Variants in TLE1 observed in about 807,000 individuals in gnomAD.
TLE1 encodes transducin-like enhancer protein 1.
In TLE1, 21 loss-of-function variants were observed where a neutral mutation model predicts 89.8. That is an observed-to-expected ratio of 0.23 (90% CI 0.17 to 0.34). The LOEUF is 0.34. TLE1 is among the 10% of genes least tolerant of loss of function. The pLI is 1.00. For synonymous variants in TLE1, 447 were observed against 407.6 expected (o/e 1.10, Z -1.16); for missense variants, 795 against 1,031.2 (o/e 0.77, Z 3.14).
intron 4 of TLE1, among the ~76,000 whole-genome samples, chr9:81,658,800 C>G (rs1830436168): frequency 6.6e-6 from 1 of 152,158 alleles, no homozygotes; most frequent in African/African-American, 2.4e-5. Context: ...GGCAATAATT[C>G]TTAGTATTAT....
At chr9:81,620,635 C>T (rs1357248581) in intron 8 of TLE1, 78 bp from the exon 9 acceptor site, 2 of 1,551,346 alleles carry the variant, frequency 1.3e-6, no homozygotes, top group Admixed American at 4.2e-5. Flanking sequence ...GATGTGAGAA[C>T]TATTTTTGAA....
intron 13 of TLE1, among the ~76,000 whole-genome samples, chr9:81,610,794 C>G (rs1486487088): frequency 8.3e-6 from 1 of 120,220 alleles, no homozygotes; most frequent in African/African-American, 3.2e-5. Context: ...CAGATATTAT[C>G]AAATGTCCTC....
At chr9:81,653,858 G>T (rs1418712562) in intron 5 of TLE1, 116 bp downstream of exon 5, 2 of 908,656 alleles carry the variant, frequency 2.2e-6, no homozygotes, top group African/African-American at 1.6e-5. Context: ...CACTTCAGCT[G>T]TAACAGATGT....
At chr9:81,682,843 G>GA (rs1324966128) in intron 4 of TLE1, among the ~76,000 whole-genome samples, 1 of 151,954 alleles carries the variant, frequency 6.6e-6, no homozygotes, top group African/African-American at 2.4e-5. Context: ...AGGGCTCCAA[G>GA]AAAAAAATAT....
At chr9:81,640,042 G>A (rs538517787) in intron 6 of TLE1, among the ~76,000 whole-genome samples, 24 of 152,090 alleles carry the variant, frequency 1.6e-4, no homozygotes, top group Admixed American at 2.6e-4. Flanking sequence ...AGGTCACTGC[G>A]GGGGAGGGAA....
At chr9:81,659,066 A>G (rs1371614899) in intron 4 of TLE1, among the ~76,000 whole-genome samples, 1 of 151,674 alleles carries the variant, frequency 6.6e-6, no homozygotes, top group African/African-American at 2.4e-5. Flanking sequence ...GCGCCACCAC[A>G]CCTGGCTAAT....
chr9:81,633,939 G>C (rs182344561), intron 7 of TLE1, 158 bp downstream of exon 7: 12 of 802,214 alleles, frequency 1.5e-5, no homozygotes, highest in Non-Finnish European at 2.2e-5. Flanking sequence ...CAAACTTCCA[G>C]GGTGACCTGT....
At position 81,662,038 on chromosome 9, in the gene TLE1, A is replaced by G. The variant is rs370556228; in HGVS notation, c.235-8002T>C. ...TTCCCACAGCTAAGAATTTATCCTA[A>G]GGAAATAGTTCAAATGAAAAGCATT... On this transcript the variant is annotated intron_variant, in intron 4 of 19. Transcript: ENST00000376499. Among the ~76,000 whole-genome samples, 9 of 152,328 alleles carry G rather than the reference A, an allele frequency of 5.9e-5. No homozygotes were observed. In the East Asian group the frequency reaches 1.5e-3, roughly 26 times the overall value.
chr9:81,677,175 T>C (rs973550072), intron 4 of TLE1, among the ~76,000 whole-genome samples: 2 of 151,966 alleles, frequency 1.3e-5, no homozygotes, highest in South Asian at 2.1e-4. Context: ...GAGGCAGAGG[T>C]TGCAGTGAGC....
intron 8 of TLE1, among the ~76,000 whole-genome samples, chr9:81,627,001 G>A (rs1389441517): frequency 1.3e-5 from 2 of 152,206 alleles, no homozygotes; most frequent in African/African-American, 2.4e-5. Flanking sequence ...TCTAAGAGCT[G>A]CTCAGCTGTT....
At chr9:81,599,243 G>T (rs762267468) in intron 14 of TLE1, among the ~76,000 whole-genome samples, 2 of 152,102 alleles carry the variant, frequency 1.3e-5, no homozygotes, top group Non-Finnish European at 2.9e-5. Flanking sequence ...TAAGTAACTC[G>T]CCCATAACCA....
At chr9:81,652,352 A>G in intron 5 of TLE1, 64 bp from the exon 6 acceptor site, 1 of 1,436,124 alleles carries the variant, frequency 7.0e-7, no homozygotes, top group Non-Finnish European at 9.7e-7. Context: ...ATATTCTAAC[A>G]ACAAAAAGTC....
chr9:81,616,736 C>G (rs1824565299), intron 9 of TLE1, 37 bp from the exon 10 acceptor site: 3 of 1,612,058 alleles, frequency 1.9e-6, no homozygotes, highest in Admixed American at 3.3e-5. Flanking sequence ...TTACTAAAAG[C>G]TAAGAATAGG....
intron 14 of TLE1, among the ~76,000 whole-genome samples, chr9:81,595,559 CT>C (rs1465110343): frequency 6.6e-6 from 1 of 152,180 alleles, no homozygotes; most frequent in Admixed American, 6.5e-5. Context: ...TGGCTCACGC[CT>C]GTAATCCCAG....
chr9:81,634,414 C>T (rs1023366012), intron 6 of TLE1, 113 bp from the exon 7 acceptor site: 9 of 832,334 alleles, frequency 1.1e-5, no homozygotes, highest in African/African-American at 1.0e-4. Context: ...GAGGGGAAGG[C>T]GGAAACAGAA....
At chr9:81,683,917 A>G (rs1833932550) in intron 4 of TLE1, among the ~76,000 whole-genome samples, 1 of 152,144 alleles carries the variant, frequency 6.6e-6, no homozygotes, top group Non-Finnish European at 1.5e-5. Flanking sequence ...GATAAAGAAG[A>G]GGTCATCCCG....
intron 13 of TLE1, 136 bp downstream of exon 13, chr9:81,611,633 G>A (rs1222933010): frequency 4.9e-5 from 40 of 813,506 alleles, no homozygotes; most frequent in Non-Finnish European, 6.5e-5. Context: ...GAGACTGGGC[G>A]TCTTTGTCTC....
At chr9:81,592,081 G>A (rs750346780) in intron 15 of TLE1, among the ~76,000 whole-genome samples, 5 of 152,178 alleles carry the variant, frequency 3.3e-5, no homozygotes, top group South Asian at 2.1e-4. Flanking sequence ...GAACATGGCC[G>A]GGCGCGGTGG....
At chr9:81,670,042 G>A (rs886500829) in intron 4 of TLE1, among the ~76,000 whole-genome samples, 4 of 152,084 alleles carry the variant, frequency 2.6e-5, no homozygotes, top group Admixed American at 1.3e-4. Context: ...GTTCCAACTC[G>A]TGTCTCCATG....
Sources: gnomAD v4.1 joint callset for allele counts (sites outside exome capture counted in the v4.1 genomes callset) on GRCh38, gnomAD v4.1.1 for gene constraint, MANE v1.5 for transcripts, NCBI Gene and HGNC (gene_info 2026-07-23, HGNC 2026-07-21) for gene names.